Variants in COMMD5 observed in about 807,000 individuals in gnomAD.
The protein encoded by COMMD5 is COMM domain-containing protein 5.
COMMD5 carries 10 observed loss-of-function variants against 6.9 expected under a neutral mutation model. The observed-to-expected ratio is 1.44, with a 90% CI of 0.89 to 2.45. The LOEUF is 2.45. COMMD5 is among the 30% of genes most tolerant of loss of function. COMMD5 has a pLI of 0.00. For synonymous variants in COMMD5, 127 were observed against 125.3 expected (o/e 1.01, Z -0.09); for missense variants, 234 against 287.8 (o/e 0.81, Z 1.35).
exon 2 of COMMD5, chr8:144,841,645 G>A (rs1202698273): frequency 6.2e-7 from 1 of 1,614,216 alleles, no homozygotes; most frequent in East Asian, 2.2e-5. Flanking sequence ...CAGCGGCCTG[G>A]ATTGTCAGCC....
Position 144,851,176 on chromosome 8 carries a change from C to G in COMMD5, c.163G>C (p.Val55Leu), listed in dbSNP as rs773870860. The G allele has an allele frequency of 6.2e-7, 1 of 1,613,726 alleles. No individual in the cohort carries two copies. The highest frequency in any genetic ancestry group is 8.5e-7 in the Non-Finnish European group (1 of 1,180,036). The change falls in exon 2 of 2, where the codon GTG (valine) becomes CTG (leucine). Residue 55 changes from valine (V) to leucine (L), a missense_variant. By Grantham distance (32) the Val-to-Leu change is conservative. Coordinates refer to ENST00000305103, the MANE Select transcript of COMMD5 (RefSeq NM_014066.4). ...RSTFRKLLKF[V>L]VSSLQGEDCR... is the part of the protein sequence containing the mutation. ...TCCTCCCCCTGCAGGCTGCTGACCA[C>G]AAACTTCAGCAACTTTCTGAACGTG...
downstream of COMMD5, chr8:144,840,964 T>C (rs1829819122): frequency 4.9e-6 from 1 of 202,532 alleles, no homozygotes; most frequent in Admixed American, 5.4e-5. Flanking sequence ...CCCTGTACTG[T>C]TTCCTCGCCA....
exon 2 of COMMD5, chr8:144,841,362 G>A (rs768075440): frequency 3.7e-6 from 6 of 1,602,248 alleles, no homozygotes; most frequent in South Asian, 1.1e-5. Flanking sequence ...CAGATTCTAC[G>A]ATTAGGACTG....
chr8:144,850,929 A>AG lies in COMMD5; in HGVS notation c.409dup (p.Leu137ProfsTer3), dbSNP rs1212266211. The AG allele has an allele frequency of 6.2e-7, 1 of 1,608,012 alleles. No homozygotes were observed. Among genetic ancestry groups the AG allele is most frequent in the East Asian group, 2.2e-5 (1 of 44,644 alleles). On this transcript the variant is annotated frameshift_variant, in exon 2 of 2. Coordinates refer to ENST00000305103, the MANE Select transcript of COMMD5 (RefSeq NM_014066.4). LOFTEE classifies it high-confidence loss of function. This position sits in a 1 kb window ranked among gnomAD's most constrained non-coding sequence, Gnocchi z 4.0. Reference sequence around the variant, plus strand: ...CTGCTGCTGGGCCACAGAATCAAGGAGGGGCCGCTGGCTCCCAAATACCAC... The same window carrying AG: ...CTGCTGCTGGGCCACAGAATCAAGGAGGGGGCCGCTGGCTCCCAAATACCAC...
At chr8:144,841,813 T>G (rs777784934) in intron 1 of COMMD5, 11 of 1,614,206 alleles carry the variant, frequency 6.8e-6, no homozygotes, top group Non-Finnish European at 9.3e-6. Flanking sequence ...ATCTGACTGC[T>G]TGCAGGGGAA....
At chr8:144,851,427 ACT>A (rs1439963427) in intron 1 of COMMD5, 32 bp from the exon 2 acceptor site, 96 of 1,422,766 alleles carry the variant, frequency 6.7e-5, no homozygotes, top group Non-Finnish European at 2.9e-6. Context: ...AAGACCAGTG[ACT>A]CTCACATCCT....
rs1830810146 is a variant in COMMD5, at chr8:144,852,841, G to C, written c.-60C>G. On this transcript the variant is annotated splice_region_variant and 5_prime_UTR_variant, in exon 1 of 2. Coordinates refer to ENST00000305103, the MANE Select transcript of COMMD5 (RefSeq NM_014066.4). ...CCCACGGTTCGGGGCCAACCTACCG[G>C]CGGGCGCTCCTCCGCGGAAAAGCCC... is the stretch of plus-strand genomic sequence containing the variant. 2 of 152,248 alleles carry C rather than the reference G, an allele frequency of 1.3e-5. 1 individual carries two copies. Among genetic ancestry groups the C allele is most frequent in the South Asian group, 4.1e-4 (2 of 4,838 alleles). The allele number at this position is 152,248 out of a possible 1,614,324, so 9.4% of individuals were successfully genotyped here.
At chr8:144,841,201 A>G (rs1219542963) in exon 2 of COMMD5, 5 of 749,958 alleles carry the variant, frequency 6.7e-6, no homozygotes, top group Non-Finnish European at 8.8e-6. Flanking sequence ...AGAACTGTCA[A>G]AGGCTCTGCC....
Position 144,850,653 on chromosome 8 carries a change from C to A in COMMD5, c.*11G>T. ...CAAGCCGGATCTGAATGGGACTGGT[C>A]AAGTGAGGGGTCAGTCCTGCAGTCT... On this transcript the variant is annotated 3_prime_UTR_variant, in exon 2 of 2. Transcript: ENST00000305103. This position sits in a 1 kb window ranked among gnomAD's most constrained non-coding sequence, Gnocchi z 4.0. The A allele has an allele frequency of 6.2e-7, 1 of 1,607,796 alleles. No individual in the cohort carries two copies. The highest frequency in any genetic ancestry group is 1.1e-5 in the South Asian group (1 of 90,778).
chr8:144,843,374 G>T, intron 1 of COMMD5: 1 of 542,124 alleles, frequency 1.8e-6, no homozygotes, highest in Non-Finnish European at 3.1e-6. Flanking sequence ...CACATCACGA[G>T]GTCAGGAGGT....
chr8:144,838,088 G>A, downstream of COMMD5: 1 of 703,022 alleles, frequency 1.4e-6, no homozygotes, highest in South Asian at 1.5e-5. Context: ...GAAGGATCCT[G>A]TCCTGCCTCT....
At position 144,841,283 on chromosome 8, in the gene COMMD5, C is replaced by T. The variant is rs1300549099; in HGVS notation, c.*577G>A. ...TATCCTGGGAGCCTTGAGCCCTGGCCCCCGCATTTGTAGTCTTATCATTTC... is the reference window on the plus strand; with the variant it reads ...TATCCTGGGAGCCTTGAGCCCTGGCTCCCGCATTTGTAGTCTTATCATTTC... On this transcript the variant is annotated 3_prime_UTR_variant and NMD_transcript_variant, in exon 2 of 2. Transcript: ENST00000530332. The T allele has an allele frequency of 3.4e-6, 5 of 1,464,944 alleles. No homozygotes were observed. The East Asian group carries it at 1.1e-4, about 33-fold the overall frequency. The allele number at this position is 1,464,944 out of a possible 1,614,324, so 90.7% of individuals were successfully genotyped here.
At chr8:144,852,312 G>A (rs1171255537) in intron 1 of COMMD5, 4 of 152,470 alleles carry the variant, frequency 2.6e-5, no homozygotes, top group Non-Finnish European at 5.9e-5. Flanking sequence ...CCAACCCCCG[G>A]GCTGGAAGAG....
chr8:144,851,265 A>G lies in COMMD5; in HGVS notation c.74T>C (p.Leu25Ser), dbSNP rs767957339. The G allele has an allele frequency of 5.0e-5, 80 of 1,614,038 alleles. 1 individual carries two copies. The South Asian group carries it at 8.3e-4, about 17-fold the overall frequency. Residue 25 changes from leucine (L) to serine (S), a missense_variant, in exon 2 of 2, where the codon TTG (leucine) becomes TCG (serine). Transcript: ENST00000305103. ...GDSHSGRVSFLGAQLPPEVAA... is the reference protein window; with the variant it reads ...GDSHSGRVSFSGAQLPPEVAA... ...CACCTCTGGAGGAAGCTGGGCCCCC[A>G]AGAAACTCACTCGGCCACTGTGACT...
chr8:144,850,702 CT>C lies in COMMD5; in HGVS notation c.636del (p.Asp213IlefsTer29), dbSNP rs1830694522. The C allele has an allele frequency of 6.2e-7, 1 of 1,614,054 alleles. No homozygotes were observed. Among genetic ancestry groups the C allele is most frequent in the Non-Finnish European group, 8.5e-7 (1 of 1,180,048 alleles). Reference protein sequence around the residue: ...YSVALVLKEMADLEKRCERRL... With the variant: ...YSVALVLKEMXDLEKRCERRL... Reference sequence around the variant, plus strand: ...CTGCGCTCACACCTCTTCTCCAGATCTGCCATCTCCTTTAGGACCAGGGCCA... The same window carrying C: ...CTGCGCTCACACCTCTTCTCCAGATCGCCATCTCCTTTAGGACCAGGGCCA... On this transcript the variant is annotated frameshift_variant, in exon 2 of 2. Transcript: ENST00000305103. LOFTEE classifies it high-confidence loss of function. The surrounding 1 kb of genome is among the most constrained non-coding windows in gnomAD (Gnocchi z 4.0).
At chr8:144,852,124 G>C (rs1373698352) in intron 1 of COMMD5, among the ~76,000 whole-genome samples, 1 of 138,834 alleles carries the variant, frequency 7.2e-6, no homozygotes, top group African/African-American at 2.6e-5. Flanking sequence ...CTGGACAACA[G>C]AGATGCTGTG....
At chr8:144,842,596 T>G (rs748550751) in intron 1 of COMMD5, 1 of 1,614,224 alleles carries the variant, frequency 6.2e-7, no homozygotes, top group Non-Finnish European at 8.5e-7. Context: ...AGAGAAACCC[T>G]ATGTGTGTAA....
chr8:144,839,637 G>A (rs544909055), downstream of COMMD5, among the ~76,000 whole-genome samples: 8 of 152,364 alleles, frequency 5.3e-5, no homozygotes, highest in African/African-American at 1.9e-4. Flanking sequence ...GATGGACCCA[G>A]CACTTGCTCG....
At chr8:144,853,329 C>G (rs1830839745), upstream of COMMD5, 1 of 152,204 alleles carries the variant, frequency 6.6e-6, no homozygotes, top group Non-Finnish European at 1.5e-5. Context: ...GAGGGTAAAG[C>G]GGGAGAACGC....
Sources: allele counts gnomAD v4.1 joint callset (sites outside exome capture counted in the v4.1 genomes callset), GRCh38; gene constraint gnomAD v4.1.1; non-coding constraint Gnocchi (gnomAD v3.1); transcripts MANE v1.5; gene names NCBI Gene and HGNC (gene_info 2026-07-23, HGNC 2026-07-21).